The following EFCAB6 variants were observed in gnomAD, a reference collection of about 807,000 sequenced individuals.
EFCAB6 encodes the protein EF-hand calcium binding domain 6.
In EFCAB6, 156 loss-of-function variants were observed where a neutral mutation model predicts 169.8. The ratio of observed to expected loss-of-function variants is 0.92; its 90% CI spans 0.81 to 1.05. EFCAB6 has a LOEUF of 1.05. EFCAB6 is among the 50% of genes least tolerant of loss of function. EFCAB6 has a pLI of 0.00. For synonymous variants in EFCAB6, 698 were observed against 676.4 expected (o/e 1.03, Z -0.50); for missense variants, 1,800 against 1,829.1 (o/e 0.98, Z 0.29).
intron 8 of EFCAB6, among the ~76,000 whole-genome samples, chr22:43,728,561 T>A (rs1230133753): frequency 6.6e-6 from 1 of 152,210 alleles, no homozygotes; most frequent in Non-Finnish European, 1.5e-5. Context: ...CTCCTCATCC[T>A]CTCCAGCATC....
chr22:43,649,983 G>A (rs1260458409), intron 17 of EFCAB6, among the ~76,000 whole-genome samples: 7 of 152,192 alleles, frequency 4.6e-5, no homozygotes, highest in Non-Finnish European at 1.0e-4. Context: ...AGAAAAATAA[G>A]AAACATGCCC....
At chr22:43,611,456 T>C (rs2053294620) in intron 21 of EFCAB6, among the ~76,000 whole-genome samples, 1 of 152,208 alleles carries the variant, frequency 6.6e-6, no homozygotes, top group Admixed American at 6.5e-5. Flanking sequence ...GCTATTCCTG[T>C]TGAACTACCA....
intron 2 of EFCAB6, among the ~76,000 whole-genome samples, chr22:43,800,165 G>T (rs191423647): frequency 6.6e-6 from 1 of 152,116 alleles, no homozygotes; most frequent in African/African-American, 2.4e-5. Flanking sequence ...CCTACTGGTC[G>T]CCTGGACACA....
chr22:43,600,644 C>G (rs2052434354), intron 22 of EFCAB6, among the ~76,000 whole-genome samples: 2 of 109,380 alleles, frequency 1.8e-5, no homozygotes, highest in African/African-American at 7.3e-5. Context: ...ATACGTTTAG[C>G]AGGGTTTTTT....
chr22:43,679,199 T>C (rs112600528), intron 12 of EFCAB6, among the ~76,000 whole-genome samples: 88 of 152,354 alleles, frequency 5.8e-4, no homozygotes, highest in African/African-American at 2.1e-3. Flanking sequence ...ATTTTCTGTC[T>C]CTAGATATTT....
chr22:43,726,821 C>A (rs980543896), intron 8 of EFCAB6, among the ~76,000 whole-genome samples: 12 of 152,168 alleles, frequency 7.9e-5, no homozygotes, highest in Non-Finnish European at 1.8e-4. Flanking sequence ...GATGTCCCAC[C>A]GCTGGGAGGA....
chr22:43,539,916 C>T (rs567039804), intron 28 of EFCAB6, among the ~76,000 whole-genome samples: 110 of 152,316 alleles, frequency 7.2e-4, no homozygotes, highest in Middle Eastern at 3.4e-3. Context: ...TCCCACTCCT[C>T]CACCGTTCCT....
intron 24 of EFCAB6, among the ~76,000 whole-genome samples, chr22:43,585,288 C>T (rs947065200): frequency 6.6e-6 from 1 of 151,326 alleles, no homozygotes; most frequent in African/African-American, 2.4e-5. Context: ...AAAGAAAATG[C>T]CAGAAATTAA....
At chr22:43,758,401 C>T (rs1444479053) in intron 5 of EFCAB6, among the ~76,000 whole-genome samples, 1 of 151,996 alleles carries the variant, frequency 6.6e-6, no homozygotes, top group Non-Finnish European at 1.5e-5. Context: ...GAATTAAATA[C>T]TTTGTTTCTA....
In EFCAB6 at chr22:43,668,948, C is replaced by A; in HGVS notation, c.1738G>T (p.Val580Phe). Residue 580 changes from valine (V) to phenylalanine (F), a missense_variant, in exon 16 of 32, where the codon GTT becomes TTT. Coordinates refer to ENST00000262726, the MANE Select transcript of EFCAB6 (RefSeq NM_022785.4). ...GIDGPPTVSP[V>F]LVPKDQLLSE... The stretch of plus-strand genomic sequence containing the variant: ...AACAGCTGATCCTTTGGAACAAGAA[C>A]TGGAGAGACAGTGGGTGGGCCATCA... 6.2e-7 allele frequency: 1 copy of A among 1,613,426 alleles called. No individual in the cohort carries two copies. Among genetic ancestry groups the A allele is most frequent in the Non-Finnish European group, 8.5e-7 (1 of 1,179,706 alleles).
chr22:43,642,383 T>C (rs974741977), intron 17 of EFCAB6, among the ~76,000 whole-genome samples: 1 of 151,754 alleles, frequency 6.6e-6, no homozygotes, highest in African/African-American at 2.4e-5. Flanking sequence ...ACAGACAACA[T>C]GAAACAGGTA....
At chr22:43,772,850 G>C in intron 4 of EFCAB6, 42 bp downstream of exon 4, 1 of 1,604,604 alleles carries the variant, frequency 6.2e-7, no homozygotes, top group African/African-American at 1.3e-5. Flanking sequence ...ACCTCAGCTT[G>C]TCTGGAATTG....
At chr22:43,681,763 C>A (rs775866868) in intron 12 of EFCAB6, among the ~76,000 whole-genome samples, 3 of 152,164 alleles carry the variant, frequency 2.0e-5, no homozygotes, top group Non-Finnish European at 4.4e-5. Context: ...TGGGAAGATT[C>A]TGTTGGACTT....
At chr22:43,574,685 A>G (rs2050125409) in intron 26 of EFCAB6, among the ~76,000 whole-genome samples, 1 of 152,076 alleles carries the variant, frequency 6.6e-6, no homozygotes, top group Non-Finnish European at 1.5e-5. Context: ...AGCAAGGGTC[A>G]CTATAAAACA....
rs1051713509 is a variant in EFCAB6 at position 43,643,876 on chromosome 22, C to G, written c.1984-8660G>C. 2.0e-5 allele frequency among the ~76,000 whole-genome samples: 3 copies of G among 151,538 alleles called. No homozygotes were observed. In the East Asian group the frequency reaches 5.8e-4, roughly 29 times the overall value. On this transcript the variant is annotated intron_variant, in intron 17 of 31. Coordinates refer to ENST00000262726, the MANE Select transcript of EFCAB6 (RefSeq NM_022785.4). The stretch of plus-strand genomic sequence containing the variant: ...TCTCGCTCTGTCACCCAGGCTGGAG[C>G]GCAGTAGCGTGATCTCGGCTCACTG...
intron 27 of EFCAB6, among the ~76,000 whole-genome samples, chr22:43,544,197 C>G (rs2047909428): frequency 6.6e-6 from 1 of 152,218 alleles, no homozygotes; most frequent in African/African-American, 2.4e-5. Context: ...CCCTCTGCAC[C>G]ATTTCCTCTT....
chr22:43,608,419 T>C (rs2053069041), intron 22 of EFCAB6, 63 bp downstream of exon 22: 1 of 1,452,292 alleles, frequency 6.9e-7, no homozygotes, highest in Non-Finnish European at 9.6e-7. Flanking sequence ...TAGGCTGAAT[T>C]TGCCACAGCA....
intron 24 of EFCAB6, among the ~76,000 whole-genome samples, chr22:43,586,659 A>C (rs966546013): frequency 1.3e-5 from 2 of 152,182 alleles, no homozygotes; most frequent in African/African-American, 4.8e-5. Flanking sequence ...ACACATATCT[A>C]GTTCTGTTAC....
At chr22:43,571,176 C>A (rs1425558271) in intron 26 of EFCAB6, among the ~76,000 whole-genome samples, 1 of 152,104 alleles carries the variant, frequency 6.6e-6, no homozygotes. Context: ...TGATGGCATA[C>A]CCAATATAAG....
Sources: allele counts gnomAD v4.1 joint callset (sites outside exome capture counted in the v4.1 genomes callset), GRCh38; gene constraint gnomAD v4.1.1; transcripts MANE v1.5; gene names NCBI Gene and HGNC (gene_info 2026-07-23, HGNC 2026-07-21).